Variants in UTP20 observed in about 807,000 individuals in gnomAD.
The protein encoded by UTP20 is UTP20 small subunit processome component.
UTP20 carries 164 observed loss-of-function variants against 329.5 expected under a neutral mutation model. The observed-to-expected ratio is 0.50, with a 90% CI of 0.44 to 0.57. The LOEUF is 0.57. Ranked by LOEUF, UTP20 falls within the 20% of genes least tolerant of loss-of-function variation. The pLI is 0.00. For synonymous variants in UTP20, 1,151 were observed against 1,159.3 expected, an observed-to-expected ratio of 0.99 and a Z score of 0.14; for missense variants, 3,055 against 3,284.2, an observed-to-expected ratio of 0.93 and a Z score of 1.71.
intron 27 of UTP20, 32 bp from the exon 28 acceptor site, chr12:101,333,269 T>G (rs756718352): frequency 6.2e-7 from 1 of 1,603,736 alleles, no homozygotes; most frequent in Non-Finnish European, 8.5e-7. Flanking sequence ...GATACATATG[T>G]ATTTTTTGAA....
intron 25 of UTP20, among the ~76,000 whole-genome samples, chr12:101,321,900 A>G (rs1291781461): frequency 1.3e-5 from 2 of 150,996 alleles, no homozygotes; most frequent in Non-Finnish European, 2.9e-5. Context: ...GTGAGCCATC[A>G]CCGCCAGCTG....
At chr12:101,334,757 T>A (rs1868878468) in intron 29 of UTP20, among the ~76,000 whole-genome samples, 1 of 152,166 alleles carries the variant, frequency 6.6e-6, no homozygotes, top group African/African-American at 2.4e-5. Context: ...GCAGGATTGC[T>A]TGACCTCAGG....
chr12:101,290,935 A>G (rs1389401246), intron 8 of UTP20, 47 bp downstream of exon 8: 1 of 1,569,586 alleles, frequency 6.4e-7, no homozygotes, highest in African/African-American at 1.4e-5. Context: ...GAGTCTAAGA[A>G]TTTACTGTTT....
chr12:101,292,403 G>A (rs547953991), intron 10 of UTP20, among the ~76,000 whole-genome samples: 1 of 152,366 alleles, frequency 6.6e-6, no homozygotes, highest in African/African-American at 2.4e-5. Flanking sequence ...TGCTGGGTAT[G>A]AGCTGGCTAT....
intron 19 of UTP20, among the ~76,000 whole-genome samples, chr12:101,310,085 G>C (rs1872738873): frequency 6.6e-6 from 1 of 151,918 alleles, no homozygotes; most frequent in South Asian, 2.1e-4. Flanking sequence ...CTTTGAAGGA[G>C]TTTCTCTTTT....
intron 56 of UTP20, among the ~76,000 whole-genome samples, chr12:101,376,678 G>A (rs938935607): frequency 2.0e-5 from 3 of 151,676 alleles, no homozygotes; most frequent in Non-Finnish European, 2.9e-5. Context: ...ACAGTGTCTC[G>A]CTCTGTCACC....
At chr12:101,296,357 G>C (rs949766299) in intron 12 of UTP20, among the ~76,000 whole-genome samples, 1 of 152,076 alleles carries the variant, frequency 6.6e-6, no homozygotes, top group African/African-American at 2.4e-5. Flanking sequence ...AGATCACGAG[G>C]TCAGGAGATC....
At chr12:101,310,650 A>G (rs1337893107) in intron 19 of UTP20, among the ~76,000 whole-genome samples, 1 of 150,134 alleles carries the variant, frequency 6.7e-6, no homozygotes, top group Non-Finnish European at 1.5e-5. Context: ...TTGTCTTCAG[A>G]TAATACACAC....
chr12:101,291,020 T>A, intron 8 of UTP20, 132 bp downstream of exon 8: 1 of 976,250 alleles, frequency 1.0e-6, no homozygotes, highest in Non-Finnish European at 1.4e-6. Context: ...GTACACATAT[T>A]AAAATTTTCC....
rs368387710 is a variant in UTP20, at chr12:101,342,503, C to G, written c.4159C>G (p.Pro1387Ala). The stretch of plus-strand genomic sequence containing the variant: ...AAACTTGTTAAAGCATTGTGTGGAC[C>G]CTACAAGCTTCCTCAAGCCTATAGC... ...VQNLLKHCVD[P>A]TSFLKPIAKL... The change falls in exon 33 of 62, where the codon CCT (proline) becomes GCT (alanine). Residue 1387 changes from proline to alanine, a missense_variant. Physicochemically the swap from Pro to Ala is conservative, Grantham distance 27. Coordinates refer to ENST00000261637, the MANE Select transcript of UTP20 (RefSeq NM_014503.3). 1.7e-5 allele frequency: 27 copies of G among 1,613,024 alleles called. No homozygotes were observed. The highest frequency in any genetic ancestry group is 3.3e-5 in the Admixed American group (2 of 59,844).
At chr12:101,369,669 G>C (rs139378377) in intron 48 of UTP20, 52 bp from the exon 49 acceptor site, 1 of 897,784 alleles carries the variant, frequency 1.1e-6, no homozygotes, top group Non-Finnish European at 1.9e-6. Flanking sequence ...GTGCTGCATA[G>C]TTGGATTCGG....
chr12:101,321,617 C>T lies in UTP20; in HGVS notation c.3029C>T (p.Pro1010Leu). The T allele has an allele frequency of 6.2e-7, 1 of 1,613,222 alleles. No individual in the cohort carries two copies. Among genetic ancestry groups the T allele is most frequent in the Non-Finnish European group, 8.5e-7 (1 of 1,179,598 alleles). Residue 1010 changes from proline (P) to leucine (L), a missense_variant, in exon 25 of 62, where the codon CCT (proline) becomes CTT (leucine). Around this residue, in one of 3 missense-constraint regions of UTP20, gnomAD observed 2,445 missense variants for 2,575.5 expected, o/e 0.95. Coordinates refer to ENST00000261637, the MANE Select transcript of UTP20 (RefSeq NM_014503.3). ...ACAGCCCACCGAGCAGATCTATTTC[C>T]TATTCTGATGAGGTATTTATGCTGT... ...VKTAHRADLF[P>L]ILMRILYGRM... is the part of the protein sequence containing the mutation.
Position 101,356,687 on chromosome 12 carries a change from T to A in UTP20, c.5528T>A (p.Leu1843Gln). 5 of 1,605,136 alleles carry A rather than the reference T, an allele frequency of 3.1e-6. No individual in the cohort carries two copies. The highest frequency in any genetic ancestry group is 4.2e-6 in the Non-Finnish European group (5 of 1,177,842). Residue 1843 changes from leucine (L) to glutamine (Q), a missense_variant, in exon 42 of 62, where the codon CTG (leucine) becomes CAG (glutamine). By Grantham distance (113) the Leu-to-Gln change is moderately radical (BLOSUM62 -2). This residue lies in a region of UTP20 where 2,445 missense variants were observed against 2,575.5 expected (regional missense o/e 0.95). Transcript: ENST00000261637. ...SLPQEVMEAN[L>Q]PSILLKVCAL... Reference sequence around the variant, plus strand: ...CCACAAGAAGTTATGGAAGCTAATCTGCCAAGGTATGTTTTTTAACAAATT... The same window carrying A: ...CCACAAGAAGTTATGGAAGCTAATCAGCCAAGGTATGTTTTTTAACAAATT...
At chr12:101,357,913 C>T (rs145625180) in intron 43 of UTP20, among the ~76,000 whole-genome samples, 1 of 152,306 alleles carries the variant, frequency 6.6e-6, no homozygotes, top group Non-Finnish European at 1.5e-5. Context: ...ACACCTGACC[C>T]TACAGAAACT....
intron 17 of UTP20, among the ~76,000 whole-genome samples, chr12:101,307,733 T>C (rs1437789976): frequency 2.0e-5 from 3 of 152,222 alleles, no homozygotes; most frequent in Non-Finnish European, 4.4e-5. Flanking sequence ...GAAAATGTCT[T>C]ATTTAGCCAT....
chr12:101,385,098 A>C (rs1358255401), intron 60 of UTP20, among the ~76,000 whole-genome samples: 1 of 58,772 alleles, frequency 1.7e-5, no homozygotes, highest in Non-Finnish European at 4.8e-5. Context: ...CTCCCCCGCC[A>C]AAAAAAAAAA....
Position 101,290,074 on chromosome 12 carries a change from G to C in UTP20, c.598-63G>C. 27 of 1,243,114 alleles carry C rather than the reference G, an allele frequency of 2.2e-5. 1 individual carries two copies. Among genetic ancestry groups the C allele is most frequent in the Non-Finnish European group, 3.0e-5 (27 of 907,766 alleles). 77.0% of individuals were successfully genotyped at this position (1,243,114 alleles called of 1,614,324 possible). ...ACAATATATAGAATAGCAAATGAGA[G>C]TTCTTCATTTGGATATGTTTATGTT... On this transcript the variant is annotated intron_variant, in intron 6 of 61. Transcript: ENST00000261637.
intron 27 of UTP20, among the ~76,000 whole-genome samples, chr12:101,331,167 G>T (rs1440092153): frequency 6.6e-6 from 1 of 152,118 alleles, no homozygotes; most frequent in Non-Finnish European, 1.5e-5. Flanking sequence ...TCATTTTCAG[G>T]ATTTTTCTCT....
At chr12:101,339,347 A>T (rs1035699629) in intron 31 of UTP20, among the ~76,000 whole-genome samples, 3 of 152,050 alleles carry the variant, frequency 2.0e-5, no homozygotes, top group Admixed American at 2.0e-4. Context: ...TTTAAAAAAA[A>T]TTATTATCTT....
Sources: gnomAD v4.1 joint callset for allele counts (sites outside exome capture counted in the v4.1 genomes callset) on GRCh38, gnomAD v4.1.1 for gene constraint, gnomAD v4.1.1 regional missense constraint, MANE v1.5 for transcripts, NCBI Gene and HGNC (gene_info 2026-07-23, HGNC 2026-07-21) for gene names.